The following UBE3A variants were observed in gnomAD, a reference collection of about 807,000 sequenced individuals.
UBE3A encodes the protein ubiquitin protein ligase E3A, also known as ubiquitin-protein ligase E3A.
In UBE3A, 6 loss-of-function variants were observed where a neutral mutation model predicts 83.4. The ratio of observed to expected loss-of-function variants is 0.07; its 90% confidence interval spans 0.04 to 0.14. The LOEUF (loss-of-function observed/expected upper bound fraction) is 0.14, where lower values mean the gene tolerates loss of function less well. Among genes scored for constraint, UBE3A ranks in the 10% least tolerant of loss-of-function variants. The probability of loss-of-function intolerance (pLI) is 1.00; values close to 1 mark genes in which losing one functional copy is unlikely to be tolerated. For missense variants in UBE3A, 456 were observed against 1,036.1 expected (o/e 0.44, Z 7.69); for synonymous variants, 337 against 355.4 (o/e 0.95, Z 0.58).
chr15:25,339,076 T>A lies in UBE3A; in HGVS notation c.*61A>T. On this transcript the variant is annotated 3_prime_UTR_variant, in exon 13 of 13. Transcript: ENST00000648336. ...TTATCCCTCGTTATATTTTTAAAATTTTTTAAATTTTTTCTTTTTTTTTCC... is the reference window on the plus strand; with the variant it reads ...TTATCCCTCGTTATATTTTTAAAATATTTTAAATTTTTTCTTTTTTTTTCC... 2.0e-6 allele frequency: 3 copies of A among 1,467,964 alleles called. No homozygotes were observed. The African/African-American group carries it at 4.3e-5, about 21-fold the overall frequency. 90.9% of individuals were successfully genotyped at this position (1,467,964 alleles called of 1,614,324 possible). A position where few individuals can be genotyped will look rare whatever the true frequency, so the allele number is the denominator to read the frequency against.
intron 7 of UBE3A, 134 bp from the exon 8 acceptor site, chr15:25,357,030 T>G: frequency 4.0e-6 from 3 of 742,270 alleles, no homozygotes; most frequent in Non-Finnish European, 6.5e-6. Flanking sequence ...GCAACATTGA[T>G]TTCTATTATA....
chr15:25,421,751 C>T (rs1889879904), intron 1 of UBE3A, among the ~76,000 whole-genome samples: 1 of 151,942 alleles, frequency 6.6e-6, no homozygotes, highest in Non-Finnish European at 1.5e-5. Flanking sequence ...AAAAAAAACA[C>T]TGCAATGGGA....
At chr15:25,367,205 G>GTAAATATGTAAATATTTACATATTTA (rs2079329862) in intron 6 of UBE3A, among the ~76,000 whole-genome samples, 2 of 93,380 alleles carry the variant, frequency 2.1e-5, no homozygotes, top group Non-Finnish European at 3.8e-5. Flanking sequence ...TTACATATTT[G>GTAAATATGTAAATATTTACATATTTA]TAAATATGTA....
At chr15:25,381,218 C>T (rs1401447503) in intron 4 of UBE3A, among the ~76,000 whole-genome samples, 1 of 151,982 alleles carries the variant, frequency 6.6e-6, no homozygotes, top group African/African-American at 2.4e-5. Context: ...TTTTTTAGTT[C>T]CCACATATCA....
rs1566953844 is a variant in UBE3A at position 25,370,530 on chromosome 15, CCATT to C, written c.1608+32_1608+35del. On this transcript the variant is annotated intron_variant, in intron 6 of 12. Coordinates refer to ENST00000648336, the MANE Select transcript of UBE3A (RefSeq NM_130839.5). This position sits in a 1 kb window ranked among gnomAD's most constrained non-coding sequence, Gnocchi z 4.2. Reference sequence around the variant, plus strand: ...TTCACTGAACTGTATCATGATATCCCCATTATTAGGTTTTTAATCTAGCAGCCCA... The same window carrying C: ...TTCACTGAACTGTATCATGATATCCCATTAGGTTTTTAATCTAGCAGCCCA... The C allele has an allele frequency of 3.1e-6, 5 of 1,612,372 alleles. No homozygotes were observed. Among genetic ancestry groups the C allele is most frequent in the Middle Eastern group, 1.6e-4 (1 of 6,062 alleles).
rs879464418 is a variant in UBE3A at position 25,337,822 on chromosome 15, A to AACATC, written c.*1310_*1314dup. ...TTATAATGCAATAAAAGAAATTAAC[A>AACATC]ACATCACATACACAGAAGACTAGGA... On this transcript the variant is annotated 3_prime_UTR_variant, in exon 13 of 13. Coordinates refer to ENST00000648336, the MANE Select transcript of UBE3A (RefSeq NM_130839.5). 5 of 152,164 alleles carry AACATC rather than the reference A, an allele frequency of 3.3e-5. No individual in the cohort carries two copies. Among genetic ancestry groups the AACATC allele is most frequent in the Non-Finnish European group, 5.9e-5 (4 of 68,004 alleles). 9.4% of individuals were successfully genotyped at this position (152,164 alleles called of 1,614,324 possible).
intron 1 of UBE3A, among the ~76,000 whole-genome samples, chr15:25,434,339 G>C (rs576181131): frequency 6.6e-6 from 1 of 152,180 alleles, no homozygotes; most frequent in South Asian, 2.1e-4. Flanking sequence ...AACACACTGG[G>C]AAGCTAAAGT....
At chr15:25,431,697 C>G (rs928168642) in intron 1 of UBE3A, among the ~76,000 whole-genome samples, 18 of 152,104 alleles carry the variant, frequency 1.2e-4, no homozygotes, top group African/African-American at 4.3e-4. Context: ...CTTCAGAAAA[C>G]TAGGAAAGAA....
chr15:25,356,603 C>A (rs903606376), intron 8 of UBE3A, 88 bp downstream of exon 8: 17 of 1,352,134 alleles, frequency 1.3e-5, no homozygotes, highest in Non-Finnish European at 1.8e-5. Context: ...AGATTCTAAA[C>A]AAAAACTTTA....
intron 11 of UBE3A, among the ~76,000 whole-genome samples, chr15:25,351,080 T>A (rs1175109113): frequency 6.6e-6 from 1 of 152,216 alleles, no homozygotes; most frequent in Non-Finnish European, 1.5e-5. Flanking sequence ...ACACCACCAT[T>A]ATTACCACCA....
At chr15:25,401,736 CTTTA>C (rs1352336291) in intron 4 of UBE3A, among the ~76,000 whole-genome samples, 2 of 151,748 alleles carry the variant, frequency 1.3e-5, no homozygotes, top group Non-Finnish European at 2.9e-5. Context: ...AAACACAACT[CTTTA>C]TTTTTTTTAT....
chr15:25,396,359 C>T (rs979035978), intron 4 of UBE3A, among the ~76,000 whole-genome samples: 5 of 152,048 alleles, frequency 3.3e-5, no homozygotes, highest in African/African-American at 9.7e-5. Flanking sequence ...AGTCCCAGCA[C>T]TTTGTGAGGC....
At chr15:25,410,422 T>C (rs2089738858) in intron 2 of UBE3A, among the ~76,000 whole-genome samples, 1 of 152,138 alleles carries the variant, frequency 6.6e-6, no homozygotes, top group African/African-American at 2.4e-5. Context: ...CAAAAGATCA[T>C]TTTGTGCAAC....
At chr15:25,425,911 C>G (rs73366290) in intron 1 of UBE3A, among the ~76,000 whole-genome samples, 2,000 of 152,232 alleles carry the variant, frequency 0.013, 43 homozygotes, top group African/African-American at 0.046. Context: ...TAAATCTGGG[C>G]TACACAGTCA....
intron 5 of UBE3A, 127 bp downstream of exon 5, chr15:25,375,338 A>G: frequency 1.8e-6 from 2 of 1,126,924 alleles, no homozygotes; most frequent in Non-Finnish European, 2.5e-6. Flanking sequence ...TACCACAATA[A>G]AAAATTGGTT....
chr15:25,416,266 C>T (rs2090899542), intron 1 of UBE3A, among the ~76,000 whole-genome samples: 1 of 152,112 alleles, frequency 6.6e-6, no homozygotes, highest in South Asian at 2.1e-4. Context: ...GATTAAATGT[C>T]CGTAACAGCA....
At chr15:25,435,805 G>C (rs572453167) in intron 1 of UBE3A, among the ~76,000 whole-genome samples, 108 of 152,166 alleles carry the variant, frequency 7.1e-4, no homozygotes, top group Middle Eastern at 3.4e-3. Flanking sequence ...TAAACACTAG[G>C]AATTCCTGGC....
chr15:25,347,395 A>G (rs536983601), intron 11 of UBE3A, among the ~76,000 whole-genome samples: 2 of 152,300 alleles, frequency 1.3e-5, no homozygotes, highest in East Asian at 3.9e-4. Flanking sequence ...ATGACCGTGA[A>G]AACAACTATA....
intron 1 of UBE3A, among the ~76,000 whole-genome samples, chr15:25,427,602 CAAAAAAAAAAAA>C (rs751567252): frequency 1.4e-4 from 9 of 64,182 alleles, no homozygotes; most frequent in African/African-American, 2.2e-4. Context: ...CCCATCTCTA[CAAAAAAAAAAAA>C]AAAAAAAAAA....
Sources: allele counts gnomAD v4.1 joint callset (sites outside exome capture counted in the v4.1 genomes callset), GRCh38; gene constraint gnomAD v4.1.1; non-coding constraint Gnocchi (gnomAD v3.1); transcripts MANE v1.5; gene names NCBI Gene and HGNC (gene_info 2026-07-23, HGNC 2026-07-21).